EFR3A: variants seen among roughly 807,000 people sequenced by gnomAD.
The protein encoded by EFR3A is EFR3 homolog A.
In EFR3A, 76 loss-of-function variants were observed where a neutral mutation model predicts 104.4. The observed-to-expected ratio is 0.73, with a 90% confidence interval of 0.60 to 0.88. The LOEUF (loss-of-function observed/expected upper bound fraction) is 0.88, where lower values mean the gene tolerates loss of function less well. Ranked by LOEUF, EFR3A falls within the 40% of genes least tolerant of loss-of-function variation. The probability of loss-of-function intolerance (pLI) is 0.00; values close to 1 mark genes in which losing one functional copy is unlikely to be tolerated. For synonymous variants in EFR3A, 330 were observed against 330.0 expected, an observed-to-expected ratio of 1.00 and a Z score of 0.00; for missense variants, 985 against 1,012.5, an observed-to-expected ratio of 0.97 and a Z score of 0.37.
chr8:131,999,093 TCTCTAAAAG>T (rs1164736047), intron 19 of EFR3A, among the ~76,000 whole-genome samples: 2 of 152,060 alleles, frequency 1.3e-5, no homozygotes, highest in Non-Finnish European at 2.9e-5. Flanking sequence ...ACTACTCTTC[TCTCTAAAAG>T]CTTATAGTAA....
At chr8:131,986,305 T>A in intron 17 of EFR3A, 44 bp downstream of exon 17, 1 of 976,210 alleles carries the variant, frequency 1.0e-6, no homozygotes, top group Admixed American at 2.3e-5. Context: ...ACTGACTTGA[T>A]AAACCCATCA....
rs533513782 is a variant in EFR3A, at chr8:131,952,406, G to GCTATAGCTACAA, written c.489-1412_489-1411insCTATAGCTACAA. Among the ~76,000 whole-genome samples the GCTATAGCTACAA allele has an allele frequency of 3.4e-3, 512 of 152,276 alleles. 1 individual carries two copies. Among genetic ancestry groups the GCTATAGCTACAA allele is most frequent in the African/African-American group, 0.01 (434 of 41,548 alleles). ...TTAGATCTGAATTGGATGAAGCTGTGTAGCTATAGTAGCTATTGGTAGTTA... is the reference window on the plus strand; with the variant it reads ...TTAGATCTGAATTGGATGAAGCTGTGCTATAGCTACAATAGCTATAGTAGCTATTGGTAGTTA... On this transcript the variant is annotated intron_variant, in intron 5 of 22. Transcript: ENST00000254624.
chr8:131,904,726 C>T (rs1299757716), intron 1 of EFR3A, among the ~76,000 whole-genome samples: 1 of 152,234 alleles, frequency 6.6e-6, no homozygotes, highest in East Asian at 1.9e-4. Flanking sequence ...AGTGGACGCG[C>T]CGGCCCCGAG....
intron 21 of EFR3A, 120 bp downstream of exon 21, chr8:132,002,826 T>A: frequency 1.3e-6 from 1 of 757,160 alleles, no homozygotes; most frequent in Non-Finnish European, 2.2e-6. Context: ...GGAAAATATA[T>A]CAGATAAGGA....
At chr8:131,949,759 G>A (rs1818607190) in intron 4 of EFR3A, among the ~76,000 whole-genome samples, 1 of 151,710 alleles carries the variant, frequency 6.6e-6, no homozygotes, top group Admixed American at 6.6e-5. Flanking sequence ...GGCTCAGTGA[G>A]CTATGATCAC....
At chr8:131,968,826 A>G (rs75042622) in intron 9 of EFR3A, among the ~76,000 whole-genome samples, 3,377 of 152,300 alleles carry the variant, frequency 0.022, 60 homozygotes, top group African/African-American at 0.045. Flanking sequence ...AAAATGGATT[A>G]GGATTAGCAC....
chr8:131,958,474 C>G (rs931678292), intron 7 of EFR3A, among the ~76,000 whole-genome samples: 1 of 152,080 alleles, frequency 6.6e-6, no homozygotes, highest in Admixed American at 6.6e-5. Flanking sequence ...ATTCAGGCTT[C>G]TTTAGAACAG....
chr8:131,970,458 A>G lies in EFR3A; in HGVS notation c.992-18A>G, dbSNP rs1228458868. 5 of 1,610,200 alleles carry G rather than the reference A, an allele frequency of 3.1e-6. No homozygotes were observed. Among genetic ancestry groups the G allele is most frequent in the African/African-American group, 2.7e-5 (2 of 74,898 alleles). On this transcript the variant is annotated intron_variant, in intron 9 of 22. Coordinates refer to ENST00000254624, the MANE Select transcript of EFR3A (RefSeq NM_015137.6). ...ATACTAGAAACATGTATCTTCTCAC[A>G]TAAGTGATCCTTTATAGGTCCGACA...
rs963313818 is a variant in EFR3A at position 132,013,053 on chromosome 8, A to G, written c.*2158A>G. On this transcript the variant is annotated 3_prime_UTR_variant, in exon 23 of 23. Coordinates refer to ENST00000254624, the MANE Select transcript of EFR3A (RefSeq NM_015137.6). ...TCTTTTCACTGGCTGACTCTCCCAT[A>G]TCTGCAAGAGATTCTGCAGGAACTG... The G allele has an allele frequency of 1.3e-5, 2 of 152,164 alleles. No individual in the cohort carries two copies. Among genetic ancestry groups the G allele is most frequent in the African/African-American group, 4.8e-5 (2 of 41,432 alleles). 9.4% of individuals were successfully genotyped at this position (152,164 alleles called of 1,614,324 possible). A position where few individuals can be genotyped will look rare whatever the true frequency, so the allele number is the denominator to read the frequency against.
intron 18 of EFR3A, among the ~76,000 whole-genome samples, chr8:131,995,110 A>G (rs568719426): frequency 6.6e-6 from 1 of 152,290 alleles, no homozygotes; most frequent in African/African-American, 2.4e-5. Flanking sequence ...AAAAACTATT[A>G]TCTTTGAAAG....
At chr8:131,964,098 A>C (rs1424614925) in intron 8 of EFR3A, among the ~76,000 whole-genome samples, 1 of 152,214 alleles carries the variant, frequency 6.6e-6, no homozygotes, top group Non-Finnish European at 1.5e-5. Flanking sequence ...GTCTATGACA[A>C]ACCCACAGCC....
rs759848268 is a variant in EFR3A at position 131,986,260 on chromosome 8, A to G, written c.1936A>G (p.Met646Val). ...LPEHIFRDKC[M>V]LPKSLEKHEK... is the part of the protein sequence containing the mutation. ...AGAGCATATCTTCAGAGATAAGTGC[A>G]TGTATGTTAATTCTTTACATTTTAA... The change falls in exon 17 of 23, where the codon ATG (methionine) becomes GTG (valine). Residue 646 changes from methionine to valine, a missense_variant and splice_region_variant. Transcript: ENST00000254624. 78 of 1,542,492 alleles carry G rather than the reference A, an allele frequency of 5.1e-5. No homozygotes were observed. The highest frequency in any genetic ancestry group is 6.5e-5 in the Non-Finnish European group (73 of 1,120,770).
intron 10 of EFR3A, among the ~76,000 whole-genome samples, chr8:131,974,050 G>GT (rs1820206089): frequency 6.6e-6 from 1 of 152,154 alleles, no homozygotes. Context: ...AAAAATAAGA[G>GT]TTTTTCCTTA....
chr8:131,922,294 G>T (rs1295724799), intron 1 of EFR3A, among the ~76,000 whole-genome samples: 2 of 152,042 alleles, frequency 1.3e-5, no homozygotes, highest in Non-Finnish European at 2.9e-5. Flanking sequence ...AAGTCACAAT[G>T]GCAGGTATAG....
chr8:131,982,819 A>C (rs1820681360), intron 14 of EFR3A, among the ~76,000 whole-genome samples: 1 of 152,116 alleles, frequency 6.6e-6, no homozygotes, highest in African/African-American at 2.4e-5. Flanking sequence ...CCAAGTATAG[A>C]AACCTTATGT....
At chr8:132,009,399 A>G (rs574075114) in intron 22 of EFR3A, among the ~76,000 whole-genome samples, 43 of 152,236 alleles carry the variant, frequency 2.8e-4, no homozygotes, top group African/African-American at 9.6e-4. Flanking sequence ...GCTAAGGTCA[A>G]TGTGAAAGAA....
chr8:132,010,748 T>C (rs1822302028), intron 22 of EFR3A, 42 bp from the exon 23 acceptor site: 1 of 1,601,624 alleles, frequency 6.2e-7, no homozygotes, highest in South Asian at 1.1e-5. Context: ...ATGAACAGCT[T>C]GTAAGTACAC....
chr8:131,931,853 T>G (rs1291760550), intron 1 of EFR3A, among the ~76,000 whole-genome samples: 1 of 152,150 alleles, frequency 6.6e-6, no homozygotes, highest in African/African-American at 2.4e-5. Flanking sequence ...TTCTTCATTT[T>G]GCAGTTGTAG....
intron 1 of EFR3A, among the ~76,000 whole-genome samples, chr8:131,915,274 A>G (rs557427895): frequency 1.1e-4 from 17 of 152,194 alleles, no homozygotes; most frequent in Non-Finnish European, 2.4e-4. Flanking sequence ...GGCAAAAATA[A>G]AAACTGTTTA....
Sources: allele counts gnomAD v4.1 joint callset (sites outside exome capture counted in the v4.1 genomes callset), GRCh38; gene constraint gnomAD v4.1.1; transcripts MANE v1.5; gene names NCBI Gene and HGNC (gene_info 2026-07-23, HGNC 2026-07-21).